SOX5: variants seen among roughly 807,000 people sequenced by gnomAD.
SOX5 encodes transcription factor SOX-5.
Under a neutral mutation model 92.0 loss-of-function variants are expected in SOX5, and 9 were observed. That is an observed-to-expected ratio of 0.10 (90% CI 0.06 to 0.17). The LOEUF (loss-of-function observed/expected upper bound fraction) is 0.17. Among genes scored for constraint, SOX5 ranks in the 10% least tolerant of loss-of-function variants. The probability of loss-of-function intolerance (pLI) is 1.00; values close to 1 mark genes in which losing one functional copy is unlikely to be tolerated. For missense variants in SOX5, 642 were observed against 944.5 expected (o/e 0.68, Z 4.20); for synonymous variants, 344 against 336.3 (o/e 1.02, Z -0.25).
At chr12:24,553,733 A>G (rs1456978678) in intron 1 of SOX5, among the ~76,000 whole-genome samples, 1 of 152,236 alleles carries the variant, frequency 6.6e-6, no homozygotes, top group Admixed American at 6.5e-5. Context: ...GTGGTAAGAG[A>G]AAGGTTAAGA....
intron 3 of SOX5, among the ~76,000 whole-genome samples, chr12:23,786,330 TA>T (rs2095376755): frequency 6.6e-6 from 1 of 152,010 alleles, no homozygotes; most frequent in South Asian, 2.1e-4. Flanking sequence ...ATTTAAATTA[TA>T]AAAAGTCCTT....
intron 2 of SOX5, among the ~76,000 whole-genome samples, chr12:24,308,957 C>T (rs1024158387): frequency 6.6e-6 from 1 of 152,018 alleles, no homozygotes; most frequent in African/African-American, 2.4e-5. Context: ...CCATTTTGTA[C>T]CTTAAAAGTA....
chr12:24,386,549 G>GA (rs1471776258), intron 1 of SOX5, among the ~76,000 whole-genome samples: 1 of 152,080 alleles, frequency 6.6e-6, no homozygotes, highest in East Asian at 1.9e-4. Context: ...CAACAGTGAA[G>GA]AATAAAACAA....
intron 1 of SOX5, among the ~76,000 whole-genome samples, chr12:24,455,165 C>T (rs532289699): frequency 1.6e-3 from 240 of 152,268 alleles, no homozygotes; most frequent in African/African-American, 5.5e-3. Flanking sequence ...CCTGCAGGGT[C>T]GCAGCCCACA....
At chr12:23,576,478 C>T (rs1474975282) in intron 9 of SOX5, among the ~76,000 whole-genome samples, 1 of 152,192 alleles carries the variant, frequency 6.6e-6, no homozygotes, top group Admixed American at 6.5e-5. Context: ...ATATGTCATA[C>T]TGTTCTAAAC....
intron 4 of SOX5, among the ~76,000 whole-genome samples, chr12:24,025,412 G>C (rs1329382137): frequency 6.6e-6 from 1 of 152,084 alleles, no homozygotes; most frequent in South Asian, 2.1e-4. Context: ...AGAAAGAATT[G>C]AAAGTTACTA....
chr12:24,466,694 C>G (rs529674604), intron 1 of SOX5, among the ~76,000 whole-genome samples: 6 of 152,190 alleles, frequency 3.9e-5, no homozygotes, highest in African/African-American at 1.4e-4. Flanking sequence ...TAATTCACCC[C>G]CAAGACAAGC....
At chr12:24,479,811 G>A (rs528200233) in intron 1 of SOX5, among the ~76,000 whole-genome samples, 44 of 151,910 alleles carry the variant, frequency 2.9e-4, no homozygotes, top group Non-Finnish European at 2.8e-4. Flanking sequence ...GACTGCAGGC[G>A]CCCACCACCA....
At position 24,307,664 on chromosome 12, in the gene SOX5, G is replaced by A. The variant is rs141300164; in HGVS notation, c.-173-30352C>T. On this transcript the variant is annotated intron_variant, in intron 2 of 4. Transcript: ENST00000446891. Reference sequence around the variant, plus strand: ...TAAAGCTTTTTAATAAACGTTCACTGCTTCTCTAAAACACATACAAACACA... The same window carrying A: ...TAAAGCTTTTTAATAAACGTTCACTACTTCTCTAAAACACATACAAACACA... Among the ~76,000 whole-genome samples, 283 of 72,558 alleles carry A rather than the reference G, an allele frequency of 3.9e-3. 74 individuals are homozygous for A. The highest frequency in any genetic ancestry group is 9.0e-3 in the African/African-American group (259 of 28,732). 47.6% of individuals were successfully genotyped at this position (72,558 alleles called of 152,430 possible). A position where few individuals can be genotyped will look rare whatever the true frequency, so the allele number is the denominator to read the frequency against.
At chr12:23,724,300 A>G (rs77581606) in intron 6 of SOX5, among the ~76,000 whole-genome samples, 1 of 152,136 alleles carries the variant, frequency 6.6e-6, no homozygotes, top group Non-Finnish European at 1.5e-5. Flanking sequence ...ACACATACAC[A>G]CAGGCCTCAG....
rs555394993 is a variant in SOX5 at position 24,395,744 on chromosome 12, G to A, written c.-250-27105C>T. 4.6e-5 allele frequency among the ~76,000 whole-genome samples: 7 copies of A among 152,248 alleles called. No homozygotes were observed. In the East Asian group the frequency reaches 1.2e-3, roughly 25 times the overall value. Reference sequence around the variant, plus strand: ...AAATAACTTACATATGTTATTTCATGGACCCTGACAGGCTGGTGCCTTGTC... The same window carrying A: ...AAATAACTTACATATGTTATTTCATAGACCCTGACAGGCTGGTGCCTTGTC... On this transcript the variant is annotated intron_variant, in intron 1 of 4. Transcript: ENST00000446891.
At chr12:24,017,112 A>T (rs754376523) in intron 4 of SOX5, among the ~76,000 whole-genome samples, 1 of 152,186 alleles carries the variant, frequency 6.6e-6, no homozygotes, top group Non-Finnish European at 1.5e-5. Context: ...CCCATTTAAC[A>T]TCTCTTTAAA....
At position 23,895,931 on chromosome 12, in the gene SOX5, A is replaced by T; in HGVS notation, c.132T>A (p.Ser44Arg). The change falls in exon 2 of 15, where the codon AGT becomes AGA. Residue 44 changes from serine to arginine, a missense_variant. Physicochemically the swap from Ser to Arg is moderately radical, Grantham distance 110. Transcript: ENST00000451604. ...GAAGGTGAAAGGCTGGGAGCCCGTC[A>T]CTCTCCTCTTCTTCCACTTTCTGTC... ...TSRQKVEEEESDGLPAFHLPL... is the reference protein window; with the variant it reads ...TSRQKVEEEERDGLPAFHLPL... The T allele has an allele frequency of 6.2e-7, 1 of 1,613,686 alleles. No individual in the cohort carries two copies. Among genetic ancestry groups the T allele is most frequent in the Non-Finnish European group, 8.5e-7 (1 of 1,179,828 alleles).
chr12:23,596,147 C>T (rs765508775), intron 9 of SOX5, among the ~76,000 whole-genome samples: 24 of 152,126 alleles, frequency 1.6e-4, no homozygotes, highest in Non-Finnish European at 2.8e-4. Flanking sequence ...TTGAGTACTT[C>T]GGGTTTTTAA....
chr12:24,285,051 T>C (rs1945696367), intron 2 of SOX5, among the ~76,000 whole-genome samples: 1 of 151,998 alleles, frequency 6.6e-6, no homozygotes, highest in Non-Finnish European at 1.5e-5. Context: ...CTTGAACCCT[T>C]GAACCCGGGA....
At chr12:23,587,207 A>T (rs1950875273) in intron 9 of SOX5, among the ~76,000 whole-genome samples, 1 of 152,056 alleles carries the variant, frequency 6.6e-6, no homozygotes, top group African/African-American at 2.4e-5. Context: ...ATTTTCTAAT[A>T]CTATTTACTC....
intron 8 of SOX5, among the ~76,000 whole-genome samples, chr12:23,611,394 G>A (rs61925670): frequency 0.11 from 16,472 of 148,208 alleles, 992 homozygotes; most frequent in Non-Finnish European, 0.12. Flanking sequence ...GTGTGTGTGT[G>A]TATTTATACA....
intron 4 of SOX5, among the ~76,000 whole-genome samples, chr12:24,137,758 A>T (rs1950237482): frequency 6.6e-6 from 1 of 152,244 alleles, no homozygotes; most frequent in Non-Finnish European, 1.5e-5. Context: ...CACAAATATT[A>T]TATTTCTTGA....
At chr12:24,321,775 T>C (rs558208127) in intron 2 of SOX5, among the ~76,000 whole-genome samples, 7 of 152,294 alleles carry the variant, frequency 4.6e-5, no homozygotes, top group Non-Finnish European at 1.0e-4. Context: ...GTAGGTTGGG[T>C]AAACAACCAG....
Sources: gnomAD v4.1 joint callset for allele counts (sites outside exome capture counted in the v4.1 genomes callset) on GRCh38, gnomAD v4.1.1 for gene constraint, MANE v1.5 for transcripts, NCBI Gene and HGNC (gene_info 2026-07-23, HGNC 2026-07-21) for gene names.